The following SUGCT variants were observed in gnomAD, a reference collection of about 807,000 sequenced individuals.
SUGCT encodes succinyl-CoA:glutarate-CoA transferase.
SUGCT carries 41 observed loss-of-function variants against 55.0 expected under a neutral mutation model. The ratio of observed to expected loss-of-function variants is 0.74; its 90% CI spans 0.58 to 0.97. The LOEUF is 0.97. SUGCT is among the 50% of genes least tolerant of loss of function. The probability of loss-of-function intolerance (pLI) is 0.00; values close to 1 mark genes in which losing one functional copy is unlikely to be tolerated. For missense variants in SUGCT, 568 were observed against 547.8 expected, an observed-to-expected ratio of 1.04 and a Z score of -0.37; for synonymous variants, 187 against 200.4, an observed-to-expected ratio of 0.93 and a Z score of 0.56.
the SUGCT span, among the ~76,000 whole-genome samples, chr7:41,004,804 G>A: frequency 6.6e-6 from 1 of 151,156 alleles, no homozygotes; most frequent in African/African-American, 2.4e-5. Flanking sequence ...TACCCTTGTG[G>A]AAAAAAAAAA....
chr7:40,343,962 T>G (rs1230233144), intron 9 of SUGCT, among the ~76,000 whole-genome samples: 1 of 152,190 alleles, frequency 6.6e-6, no homozygotes, highest in Non-Finnish European at 1.5e-5. Flanking sequence ...GTTGAAACTC[T>G]TATCTGCTTT....
At chr7:40,276,795 ATGTGTG>A (rs754085745) in intron 8 of SUGCT, among the ~76,000 whole-genome samples, 28 of 146,964 alleles carry the variant, frequency 1.9e-4, no homozygotes, top group Non-Finnish European at 3.9e-4. Flanking sequence ...TGGGGTGTGC[ATGTGTG>A]TGTGTGTGTG....
At chr7:40,255,227 CAAAA>C (rs35996807) in intron 7 of SUGCT, among the ~76,000 whole-genome samples, 4 of 101,024 alleles carry the variant, frequency 4.0e-5, no homozygotes, top group Non-Finnish European at 2.0e-5. Flanking sequence ...AACTTCATCT[CAAAA>C]AAAAAAAAAA....
rs116299419 is a variant in SUGCT, at chr7:40,622,186, G to A, written c.1089+125800G>A. On this transcript the variant is annotated intron_variant, in intron 12 of 13. Transcript: ENST00000335693. ...CAGGTGTCCCATGTGCTCATGAGAC[G>A]TGTGTCCCTTGGGGCAGGTTTTTGG... is the stretch of plus-strand genomic sequence containing the variant. Among the ~76,000 whole-genome samples the A allele has an allele frequency of 2.8e-3, 428 of 152,308 alleles. 3 individuals are homozygous for A. Among genetic ancestry groups the A allele is most frequent in the African/African-American group, 9.7e-3 (402 of 41,558 alleles).
intron 13 of SUGCT, among the ~76,000 whole-genome samples, chr7:40,784,242 A>T (rs1170533146): frequency 6.6e-6 from 1 of 152,118 alleles, no homozygotes; most frequent in Non-Finnish European, 1.5e-5. Context: ...AGTGAGTTTC[A>T]TAGCTTTATC....
At chr7:40,521,261 A>T (rs1793512790) in intron 12 of SUGCT, among the ~76,000 whole-genome samples, 1 of 151,964 alleles carries the variant, frequency 6.6e-6, no homozygotes, top group African/African-American at 2.4e-5. Context: ...TTCTCACAAG[A>T]TGTGTTTTTT....
intron 9 of SUGCT, among the ~76,000 whole-genome samples, chr7:40,321,132 A>G (rs1430899101): frequency 3.5e-5 from 5 of 142,370 alleles, no homozygotes; most frequent in South Asian, 2.2e-4. Flanking sequence ...GCTGGAGTGT[A>G]TGGTGCGATC....
intron 12 of SUGCT, among the ~76,000 whole-genome samples, chr7:40,706,793 A>C (rs938985093): frequency 1.3e-5 from 2 of 152,202 alleles, no homozygotes; most frequent in African/African-American, 4.8e-5. Context: ...CATAGCATTG[A>C]CAAAAAATTT....
chr7:40,727,725 T>C (rs1786678899), intron 12 of SUGCT, among the ~76,000 whole-genome samples: 1 of 152,242 alleles, frequency 6.6e-6, no homozygotes, highest in African/African-American at 2.4e-5. Context: ...TTAGTAACTA[T>C]GTGCAGAAAG....
At chr7:40,340,204 G>A (rs1478095153) in intron 9 of SUGCT, among the ~76,000 whole-genome samples, 1 of 152,180 alleles carries the variant, frequency 6.6e-6, no homozygotes, top group Non-Finnish European at 1.5e-5. Flanking sequence ...TTGTGCATAA[G>A]TATCTGCCAC....
At chr7:40,553,103 A>G (rs1795382682) in intron 12 of SUGCT, among the ~76,000 whole-genome samples, 1 of 152,228 alleles carries the variant, frequency 6.6e-6, no homozygotes, top group Non-Finnish European at 1.5e-5. Context: ...ATATTTGGGC[A>G]GGTAATAATT....
chr7:40,961,700 G>C, the SUGCT span, among the ~76,000 whole-genome samples: 1 of 152,096 alleles, frequency 6.6e-6, no homozygotes, highest in African/African-American at 2.4e-5. Flanking sequence ...TCTGGAGTTT[G>C]TTCCTTCAGA....
chr7:40,818,707 G>A (rs978956445), intron 13 of SUGCT, among the ~76,000 whole-genome samples: 1 of 152,126 alleles, frequency 6.6e-6, no homozygotes, highest in East Asian at 1.9e-4. Flanking sequence ...GCAGGAAGGA[G>A]GGTAAGAGAT....
intron 8 of SUGCT, among the ~76,000 whole-genome samples, chr7:40,276,417 G>A (rs946965184): frequency 2.0e-5 from 3 of 152,118 alleles, no homozygotes; most frequent in Non-Finnish European, 4.4e-5. Context: ...GTAGCCCTGG[G>A]CTTAGTTAAA....
At chr7:40,672,889 G>A (rs1584250772) in intron 12 of SUGCT, among the ~76,000 whole-genome samples, 1 of 152,136 alleles carries the variant, frequency 6.6e-6, no homozygotes, top group South Asian at 2.1e-4. Flanking sequence ...TTTGATAAAT[G>A]TATAAATGAT....
chr7:40,369,205 G>C (rs1784162825), intron 9 of SUGCT, among the ~76,000 whole-genome samples: 1 of 152,064 alleles, frequency 6.6e-6, no homozygotes, highest in Admixed American at 6.6e-5. Flanking sequence ...AGATGGCAGA[G>C]AGGCATTTGG....
chr7:40,207,678 G>T (rs990123929), intron 6 of SUGCT, among the ~76,000 whole-genome samples: 3 of 151,906 alleles, frequency 2.0e-5, no homozygotes, highest in South Asian at 2.1e-4. Flanking sequence ...TTAGCCAGGC[G>T]TGGTGGCGGG....
At chr7:40,386,868 G>C (rs965528225) in intron 9 of SUGCT, among the ~76,000 whole-genome samples, 5 of 152,148 alleles carry the variant, frequency 3.3e-5, no homozygotes, top group African/African-American at 1.2e-4. Context: ...TTTACTTGTA[G>C]GTGCCACAGA....
At chr7:40,367,278 G>A (rs866500520) in intron 9 of SUGCT, among the ~76,000 whole-genome samples, 15 of 127,346 alleles carry the variant, frequency 1.2e-4, no homozygotes, top group African/African-American at 4.3e-4. Context: ...GGTGGGGGGA[G>A]GGGGGGAGGA....
Sources: allele counts gnomAD v4.1 joint callset (sites outside exome capture counted in the v4.1 genomes callset), GRCh38; gene constraint gnomAD v4.1.1; transcripts MANE v1.5; gene names NCBI Gene and HGNC (gene_info 2026-07-23, HGNC 2026-07-21).